NUBPL: variants seen among roughly 807,000 people sequenced by gnomAD.
The protein encoded by NUBPL is iron-sulfur cluster transfer protein NUBPL.
Under a neutral mutation model 45.7 loss-of-function variants are expected in NUBPL, and 31 were observed. The ratio of observed to expected loss-of-function variants is 0.68; its 90% CI spans 0.51 to 0.92. The LOEUF is 0.92. NUBPL is among the 40% of genes least tolerant of loss of function. NUBPL has a pLI of 0.00. For missense variants in NUBPL, 401 were observed against 398.7 expected (o/e 1.01, Z -0.05); for synonymous variants, 144 against 140.9 (o/e 1.02, Z -0.15).
At chr14:31,734,349 G>A (rs571005111) in intron 6 of NUBPL, among the ~76,000 whole-genome samples, 212 of 152,130 alleles carry the variant, frequency 1.4e-3, no homozygotes, top group African/African-American at 4.9e-3. Context: ...AGAAAGTGTC[G>A]AATTAGAGTC....
At chr14:31,748,454 T>C (rs1339009978) in intron 6 of NUBPL, among the ~76,000 whole-genome samples, 1 of 152,204 alleles carries the variant, frequency 6.6e-6, no homozygotes, top group Non-Finnish European at 1.5e-5. Flanking sequence ...AGACTGAATA[T>C]TTGCTTTGTA....
intron 4 of NUBPL, among the ~76,000 whole-genome samples, chr14:31,609,147 AC>A (rs1472936581): frequency 3.9e-5 from 6 of 152,254 alleles, no homozygotes; most frequent in African/African-American, 1.4e-4. Context: ...ATAAAAAAAA[AC>A]AAGACCCATT....
intron 6 of NUBPL, among the ~76,000 whole-genome samples, chr14:31,735,571 T>C (rs2038146722): frequency 6.6e-6 from 1 of 152,158 alleles, no homozygotes; most frequent in South Asian, 2.1e-4. Flanking sequence ...TCAGAGTGAA[T>C]GGCCAGGCGC....
At chr14:31,628,784 A>C (rs147325490) in intron 4 of NUBPL, among the ~76,000 whole-genome samples, 82 of 152,296 alleles carry the variant, frequency 5.4e-4, no homozygotes, top group Middle Eastern at 3.4e-3. Context: ...TGTACTTCCC[A>C]TTTTGTCACA....
At chr14:31,666,274 A>AT (rs1179850511) in intron 4 of NUBPL, among the ~76,000 whole-genome samples, 6 of 60,820 alleles carry the variant, frequency 9.9e-5, no homozygotes, top group African/African-American at 2.2e-4. Flanking sequence ...ATTTTATTTT[A>AT]TTTTTTTTGA....
intron 4 of NUBPL, among the ~76,000 whole-genome samples, chr14:31,619,797 G>GT (rs1315975635): frequency 1.3e-4 from 20 of 152,156 alleles, no homozygotes; most frequent in African/African-American, 4.8e-5. Flanking sequence ...TGTTTTTGGT[G>GT]TTTTTTGTAT....
intron 6 of NUBPL, among the ~76,000 whole-genome samples, chr14:31,758,424 G>A (rs1050576903): frequency 1.3e-5 from 2 of 152,112 alleles, no homozygotes; most frequent in Non-Finnish European, 2.9e-5. Flanking sequence ...TTAGCTCTTA[G>A]CAAAGCTTCA....
intron 4 of NUBPL, among the ~76,000 whole-genome samples, chr14:31,613,977 T>A (rs2034831758): frequency 6.6e-6 from 1 of 152,140 alleles, no homozygotes; most frequent in Admixed American, 6.5e-5. Flanking sequence ...TTGTGTATGT[T>A]TGTATTCATT....
intron 7 of NUBPL, among the ~76,000 whole-genome samples, chr14:31,790,764 T>C (rs879543563): frequency 6.6e-6 from 1 of 151,978 alleles, no homozygotes; most frequent in Non-Finnish European, 1.5e-5. Context: ...GACAGGAGAA[T>C]GGCATGAAGC....
intron 6 of NUBPL, among the ~76,000 whole-genome samples, chr14:31,760,312 C>A (rs2038778714): frequency 2.6e-5 from 4 of 151,814 alleles, no homozygotes. Context: ...TACCACCACA[C>A]CTGGATAATT....
intron 6 of NUBPL, among the ~76,000 whole-genome samples, chr14:31,688,443 G>T (rs573839068): frequency 6.6e-6 from 1 of 152,052 alleles, no homozygotes; most frequent in Non-Finnish European, 1.5e-5. Context: ...CAGGCGTGGT[G>T]GTGGGCGCCT....
chr14:31,852,100 C>T (rs903287947), intron 10 of NUBPL, among the ~76,000 whole-genome samples: 4 of 152,158 alleles, frequency 2.6e-5, no homozygotes, highest in African/African-American at 7.2e-5. Flanking sequence ...TTGCCACTTT[C>T]GATGTGTGAC....
chr14:31,807,251 A>T (rs2039707864), intron 7 of NUBPL, among the ~76,000 whole-genome samples: 1 of 152,216 alleles, frequency 6.6e-6, no homozygotes, highest in African/African-American at 2.4e-5. Context: ...GTGTAAAAGC[A>T]TTCCTGTTTC....
At chr14:31,745,279 C>A (rs1267031861) in intron 6 of NUBPL, among the ~76,000 whole-genome samples, 1 of 152,054 alleles carries the variant, frequency 6.6e-6, no homozygotes, top group African/African-American at 2.4e-5. Flanking sequence ...TCAATTCCCA[C>A]CTATGATTGA....
At chr14:31,584,099 A>AT (rs1395663320) in intron 3 of NUBPL, among the ~76,000 whole-genome samples, 1 of 151,834 alleles carries the variant, frequency 6.6e-6, no homozygotes, top group African/African-American at 2.4e-5. Flanking sequence ...TAACCTATGT[A>AT]TTTGATTAAG....
At chr14:31,707,589 C>T (rs1194995998) in intron 6 of NUBPL, among the ~76,000 whole-genome samples, 1 of 152,130 alleles carries the variant, frequency 6.6e-6, no homozygotes, top group South Asian at 2.1e-4. Flanking sequence ...GCTGATGATT[C>T]CAGGGAACCC....
intron 4 of NUBPL, among the ~76,000 whole-genome samples, chr14:31,618,362 A>G (rs2034966717): frequency 6.6e-6 from 1 of 151,816 alleles, no homozygotes; most frequent in Admixed American, 6.6e-5. Flanking sequence ...TTTAATTGTG[A>G]TGTTAGGGTG....
intron 7 of NUBPL, among the ~76,000 whole-genome samples, chr14:31,809,972 G>A (rs1054852679): frequency 7.2e-5 from 11 of 152,320 alleles, no homozygotes; most frequent in African/African-American, 2.4e-4. Context: ...TTGCACTGTG[G>A]TCTGATAGAT....
chr14:31,578,466 A>G (rs2033775123), intron 3 of NUBPL, among the ~76,000 whole-genome samples: 1 of 152,204 alleles, frequency 6.6e-6, no homozygotes, highest in Non-Finnish European at 1.5e-5. Flanking sequence ...ACTTTTGGCA[A>G]TTGCACTATG....
Sources: allele counts gnomAD v4.1 joint callset (sites outside exome capture counted in the v4.1 genomes callset), GRCh38; gene constraint gnomAD v4.1.1; transcripts MANE v1.5; gene names NCBI Gene and HGNC (gene_info 2026-07-23, HGNC 2026-07-21).